The following CNTNAP2 variants were observed in gnomAD, a reference collection of about 807,000 sequenced individuals.
CNTNAP2 encodes the protein contactin associated protein 2.
A neutral mutation model predicts 155.2 loss-of-function variants in CNTNAP2; 98 were observed. The ratio of observed to expected loss-of-function variants is 0.63; its 90% CI spans 0.54 to 0.75. The LOEUF (loss-of-function observed/expected upper bound fraction) is 0.75, where lower values mean the gene tolerates loss of function less well. Ranked by LOEUF, CNTNAP2 falls within the 30% of genes least tolerant of loss-of-function variation. CNTNAP2 has a pLI of 0.00. For missense variants in CNTNAP2, 1,727 were observed against 1,688.1 expected, an observed-to-expected ratio of 1.02 and a Z score of -0.40; for synonymous variants, 651 against 631.2, an observed-to-expected ratio of 1.03 and a Z score of -0.47.
intron 15 of CNTNAP2, among the ~76,000 whole-genome samples, chr7:148,100,432 C>A (rs1384307263): frequency 6.6e-6 from 1 of 152,178 alleles, no homozygotes; most frequent in Admixed American, 6.5e-5. Context: ...TATGCATATG[C>A]GTGTATGTGC....
intron 5 of CNTNAP2, among the ~76,000 whole-genome samples, chr7:147,114,809 AT>A (rs1388459379): frequency 6.6e-6 from 1 of 152,090 alleles, no homozygotes; most frequent in Non-Finnish European, 1.5e-5. Context: ...ACCCATTTAC[AT>A]TTAAGGTTAG....
intron 13 of CNTNAP2, chr7:147,704,496 C>T (rs1796280754): frequency 6.0e-6 from 1 of 166,912 alleles, no homozygotes; most frequent in Non-Finnish European, 1.5e-5. Context: ...ATCCTGAGCT[C>T]CCCAGTCTAG....
chr7:146,401,191 C>T (rs748879949), intron 1 of CNTNAP2, among the ~76,000 whole-genome samples: 3 of 152,028 alleles, frequency 2.0e-5, no homozygotes, highest in Admixed American at 1.3e-4. Flanking sequence ...ATACATTCTC[C>T]CTGCCGCTCA....
intron 1 of CNTNAP2, among the ~76,000 whole-genome samples, chr7:146,658,971 C>T (rs1237015857): frequency 3.3e-5 from 5 of 152,148 alleles, no homozygotes; most frequent in Non-Finnish European, 1.5e-5. Flanking sequence ...GAGCTGCAGC[C>T]ACCTCCCCTG....
chr7:146,761,284 TGGAAGGAAGGAAGGAAGGAAGGAA>T (rs369635102), intron 1 of CNTNAP2, among the ~76,000 whole-genome samples: 96 of 144,658 alleles, frequency 6.6e-4, no homozygotes, highest in African/African-American at 2.1e-3. Context: ...TCATAATTGC[TGGAAGGAAGGAAGGAAGGAAGGAA>T]GGAAGGAAGG....
chr7:146,408,195 T>C (rs1057255233), intron 1 of CNTNAP2, among the ~76,000 whole-genome samples: 2 of 152,162 alleles, frequency 1.3e-5, no homozygotes, highest in Admixed American at 6.5e-5. Context: ...AGTTGAACCA[T>C]ATTAATTGCT....
chr7:148,105,240 T>G (rs1804182631), intron 15 of CNTNAP2, among the ~76,000 whole-genome samples: 1 of 152,186 alleles, frequency 6.6e-6, no homozygotes, highest in African/African-American at 2.4e-5. Context: ...GCATCTGAAC[T>G]GAGTCTTAAA....
chr7:147,784,365 C>T lies in CNTNAP2; in HGVS notation c.2099-119200C>T, dbSNP rs188621844. On this transcript the variant is annotated intron_variant, in intron 13 of 23. Transcript: ENST00000361727. ...AAACACAAAGATTATCTTCATAGCC[C>T]TCTACAAACTAAAAACATATATATA... Among the ~76,000 whole-genome samples the T allele has an allele frequency of 3.3e-3, 359 of 107,738 alleles. 2 individuals are homozygous for T. The highest frequency in any genetic ancestry group is 0.013 in the African/African-American group (346 of 27,410). 70.7% of individuals were successfully genotyped at this position (107,738 alleles called of 152,430 possible). A position where few individuals can be genotyped will look rare whatever the true frequency, so the allele number is the denominator to read the frequency against.
At chr7:148,234,427 C>G (rs907529372) in intron 20 of CNTNAP2, among the ~76,000 whole-genome samples, 1 of 152,206 alleles carries the variant, frequency 6.6e-6, no homozygotes, top group African/African-American at 2.4e-5. Flanking sequence ...TATGTACCCA[C>G]CATTGAAACA....
chr7:147,464,574 A>G lies in CNTNAP2; in HGVS notation c.1671-21361A>G, dbSNP rs556364890. 2.0e-4 allele frequency among the ~76,000 whole-genome samples: 31 copies of G among 152,142 alleles called. No individual in the cohort carries two copies. The South Asian group carries it at 5.6e-3, about 28-fold the overall frequency. ...CTCTTAATATCATGGAATTGCCACA[A>G]TTTTTAGTTTCTTCATCTGTAAAAT... On this transcript the variant is annotated intron_variant, in intron 10 of 23. Transcript: ENST00000361727.
intron 3 of CNTNAP2, among the ~76,000 whole-genome samples, chr7:146,861,492 T>C (rs537410114): frequency 7.6e-4 from 116 of 152,300 alleles, no homozygotes; most frequent in African/African-American, 2.5e-3. Flanking sequence ...TAAAGTATTA[T>C]ACTAATGCAT....
intron 12 of CNTNAP2, among the ~76,000 whole-genome samples, chr7:147,565,581 A>C (rs1366716361): frequency 2.0e-5 from 3 of 152,136 alleles, no homozygotes; most frequent in Admixed American, 6.5e-5. Context: ...GGGATGGTTT[A>C]AAGTGATGAG....
chr7:147,534,592 C>A (rs1799507082), intron 11 of CNTNAP2, among the ~76,000 whole-genome samples: 2 of 152,102 alleles, frequency 1.3e-5, no homozygotes, highest in African/African-American at 4.8e-5. Context: ...AAACTTGAGT[C>A]TTTTGCAGGT....
At chr7:147,038,868 A>G (rs918618767) in intron 3 of CNTNAP2, among the ~76,000 whole-genome samples, 1 of 152,086 alleles carries the variant, frequency 6.6e-6, no homozygotes, top group Non-Finnish European at 1.5e-5. Context: ...TCTTGCTTAA[A>G]ACTCTCTAGT....
chr7:146,847,637 T>C (rs1794785268), intron 3 of CNTNAP2, among the ~76,000 whole-genome samples: 1 of 152,198 alleles, frequency 6.6e-6, no homozygotes, highest in South Asian at 2.1e-4. Context: ...AATAGCCTGT[T>C]ACTTCCACTT....
chr7:147,919,478 A>G (rs1230649706), intron 14 of CNTNAP2, among the ~76,000 whole-genome samples: 4 of 12,098 alleles, frequency 3.3e-4, no homozygotes, highest in African/African-American at 4.5e-4. Flanking sequence ...TTTTTTTTTG[A>G]GACAGAGTCT....
At chr7:147,062,715 T>G (rs1188587914) in intron 4 of CNTNAP2, among the ~76,000 whole-genome samples, 1 of 152,186 alleles carries the variant, frequency 6.6e-6, no homozygotes, top group African/African-American at 2.4e-5. Flanking sequence ...ATTGCTGCTG[T>G]TGTTCTTAGT....
chr7:146,411,178 A>G (rs1271993093), intron 1 of CNTNAP2, among the ~76,000 whole-genome samples: 1 of 137,088 alleles, frequency 7.3e-6, no homozygotes, highest in African/African-American at 2.8e-5. Flanking sequence ...TTTTTTTGAG[A>G]TGGAGTCTTG....
intron 14 of CNTNAP2, among the ~76,000 whole-genome samples, chr7:147,941,678 G>C (rs548535617): frequency 6.6e-6 from 1 of 152,292 alleles, no homozygotes; most frequent in Admixed American, 6.5e-5. Context: ...AATGTAATTA[G>C]TTGTGTTTTT....
Sources: allele counts gnomAD v4.1 joint callset (sites outside exome capture counted in the v4.1 genomes callset), GRCh38; gene constraint gnomAD v4.1.1; transcripts MANE v1.5; gene names NCBI Gene and HGNC (gene_info 2026-07-23, HGNC 2026-07-21).